The following RPS6KC1 variants were observed in gnomAD, a reference collection of about 807,000 sequenced individuals.
RPS6KC1 encodes the protein ribosomal protein S6 kinase C1.
Under a neutral mutation model 103.8 loss-of-function variants are expected in RPS6KC1, and 54 were observed. The ratio of observed to expected loss-of-function variants is 0.52; its 90% confidence interval spans 0.42 to 0.65. The LOEUF is 0.65. Among genes scored for constraint, RPS6KC1 ranks in the 30% least tolerant of loss-of-function variants. The pLI is 0.00. For missense variants in RPS6KC1, 1,151 were observed against 1,253.8 expected (o/e 0.92, Z 1.24); for synonymous variants, 439 against 438.7 (o/e 1.00, Z -0.01).
chr1:213,431,390 T>C, the RPS6KC1 span, among the ~76,000 whole-genome samples: 2 of 152,202 alleles, frequency 1.3e-5, no homozygotes, highest in African/African-American at 4.8e-5. Context: ...TACATCTGTG[T>C]AACCAACAGG....
At position 213,271,632 on chromosome 1, in the gene RPS6KC1, C is replaced by T. The variant is rs549716486; in HGVS notation, c.3091-892C>T. Among the ~76,000 whole-genome samples, 72 of 152,090 alleles carry T rather than the reference C, an allele frequency of 4.7e-4. 1 individual carries two copies. Among genetic ancestry groups the T allele is most frequent in the Admixed American group, 1.1e-3 (17 of 15,276 alleles). ...TACAAAAATTAGCCGGGCATGGTGG[C>T]GCGCGCCTGTAGTCCCAGCTACACG... On this transcript the variant is annotated intron_variant, in intron 14 of 14. Coordinates refer to ENST00000366960, the MANE Select transcript of RPS6KC1 (RefSeq NM_012424.6).
At chr1:213,620,921 C>A in the RPS6KC1 span, among the ~76,000 whole-genome samples, 55 of 152,170 alleles carry the variant, frequency 3.6e-4, no homozygotes, top group African/African-American at 1.2e-3. Context: ...AGCCTCTTCC[C>A]AGCCTCCCAT....
chr1:213,779,337 A>G, the RPS6KC1 span, among the ~76,000 whole-genome samples: 1 of 152,198 alleles, frequency 6.6e-6, no homozygotes, highest in Non-Finnish European at 1.5e-5. Context: ...CTCAATATGT[A>G]GATGACTCAT....
chr1:213,633,172 C>T, the RPS6KC1 span, among the ~76,000 whole-genome samples: 1 of 152,098 alleles, frequency 6.6e-6, no homozygotes, highest in Non-Finnish European at 1.5e-5. Context: ...GGCAGGCCAA[C>T]ATTCAAATTC....
At chr1:213,390,166 AT>A in the RPS6KC1 span, among the ~76,000 whole-genome samples, 3 of 152,208 alleles carry the variant, frequency 2.0e-5, no homozygotes, top group Non-Finnish European at 4.4e-5. Flanking sequence ...CCAGACACAA[AT>A]GAAAAATGTA....
the RPS6KC1 span, among the ~76,000 whole-genome samples, chr1:213,416,915 G>A: frequency 1.3e-5 from 2 of 152,194 alleles, no homozygotes; most frequent in African/African-American, 2.4e-5. Flanking sequence ...GTTCTGAAAG[G>A]GTGAGCTCCA....
At chr1:213,574,652 G>A in the RPS6KC1 span, among the ~76,000 whole-genome samples, 1 of 152,180 alleles carries the variant, frequency 6.6e-6, no homozygotes, top group South Asian at 2.1e-4. Context: ...AAAGGTAAAT[G>A]GTGAGGAGGG....
chr1:213,844,848 T>A, the RPS6KC1 span, among the ~76,000 whole-genome samples: 6 of 152,136 alleles, frequency 3.9e-5, no homozygotes, highest in Non-Finnish European at 4.4e-5. Flanking sequence ...AAGATGCATC[T>A]TGCAAAAGTA....
the RPS6KC1 span, among the ~76,000 whole-genome samples, chr1:213,563,814 C>A: frequency 6.6e-6 from 1 of 151,724 alleles, no homozygotes; most frequent in African/African-American, 2.4e-5. Context: ...ATATGGTTGG[C>A]CAGTATTTTA....
At chr1:213,836,591 C>T in the RPS6KC1 span, among the ~76,000 whole-genome samples, 2 of 151,824 alleles carry the variant, frequency 1.3e-5, no homozygotes, top group African/African-American at 4.8e-5. Context: ...TGTCCTCTCA[C>T]ACATGGTACT....
At chr1:213,310,531 A>G in the RPS6KC1 span, among the ~76,000 whole-genome samples, 3 of 152,084 alleles carry the variant, frequency 2.0e-5, no homozygotes, top group Non-Finnish European at 4.4e-5. Context: ...TTGAAAGAGC[A>G]CCCTACCCCA....
At chr1:213,713,965 C>T in the RPS6KC1 span, among the ~76,000 whole-genome samples, 5 of 152,090 alleles carry the variant, frequency 3.3e-5, no homozygotes, top group Non-Finnish European at 7.3e-5. Context: ...TATCTTCTGC[C>T]TGATTTAATC....
the RPS6KC1 span, among the ~76,000 whole-genome samples, chr1:213,823,726 C>CACACACACACACACACACACA: frequency 1.4e-4 from 21 of 146,384 alleles, no homozygotes; most frequent in African/African-American, 5.1e-4. Context: ...GCTATCACAG[C>CACACACACACACACACACACA]CACACACACA....
At chr1:213,789,716 T>A in the RPS6KC1 span, among the ~76,000 whole-genome samples, 1 of 152,156 alleles carries the variant, frequency 6.6e-6, no homozygotes, top group Admixed American at 6.5e-5. Context: ...GCTTGTTAAG[T>A]CACACATCTA....
the RPS6KC1 span, among the ~76,000 whole-genome samples, chr1:213,570,061 A>G: frequency 6.6e-6 from 1 of 152,180 alleles, no homozygotes. Context: ...GAGGGCATGG[A>G]GTAAGGAAGA....
the RPS6KC1 span, among the ~76,000 whole-genome samples, chr1:213,581,852 G>T: frequency 3.3e-5 from 5 of 151,906 alleles, no homozygotes; most frequent in African/African-American, 1.2e-4. Flanking sequence ...GCTATTCCTT[G>T]TGCTTGAAGT....
the RPS6KC1 span, among the ~76,000 whole-genome samples, chr1:213,499,618 T>C: frequency 0.31 from 47,838 of 152,014 alleles, 7,696 homozygotes; most frequent in Middle Eastern, 0.41. Context: ...CTGGCTCGCT[T>C]GCTGCTCACC....
At chr1:213,187,398 C>T (rs1214992041) in intron 8 of RPS6KC1, among the ~76,000 whole-genome samples, 1 of 151,786 alleles carries the variant, frequency 6.6e-6, no homozygotes, top group African/African-American at 2.4e-5. Context: ...ACATGCGCCA[C>T]TATGCCTGGA....
chr1:213,253,193 G>GT (rs1573618121), intron 12 of RPS6KC1, among the ~76,000 whole-genome samples: 1 of 152,128 alleles, frequency 6.6e-6, no homozygotes, highest in Non-Finnish European at 1.5e-5. Context: ...CCAGAAGGAG[G>GT]TTATGGACTT....
Sources: allele counts gnomAD v4.1 joint callset (sites outside exome capture counted in the v4.1 genomes callset), GRCh38; gene constraint gnomAD v4.1.1; transcripts MANE v1.5; gene names NCBI Gene and HGNC (gene_info 2026-07-23, HGNC 2026-07-21).